TRIM39: variants seen among roughly 807,000 people sequenced by gnomAD.
TRIM39 encodes the protein tripartite motif containing 39, also known as E3 ubiquitin-protein ligase TRIM39.
TRIM39 carries 5 observed loss-of-function variants against 53.6 expected under a neutral mutation model. The ratio of observed to expected loss-of-function variants is 0.09; its 90% CI spans 0.05 to 0.20. The LOEUF (loss-of-function observed/expected upper bound fraction) is 0.20, where lower values mean the gene tolerates loss of function less well. Ranked by LOEUF, TRIM39 falls within the 10% of genes least tolerant of loss-of-function variation. The probability of loss-of-function intolerance (pLI) is 1.00; values close to 1 mark genes in which losing one functional copy is unlikely to be tolerated. For missense variants in TRIM39, 310 were observed against 621.0 expected, an observed-to-expected ratio of 0.50 and a Z score of 5.32; for synonymous variants, 196 against 237.6, an observed-to-expected ratio of 0.82 and a Z score of 1.61.
Position 30,339,894 on chromosome 6 carries a change from C to T in TRIM39, c.781-14C>T. On this transcript the variant is annotated splice_polypyrimidine_tract_variant and intron_variant, in intron 5 of 7. Transcript: ENST00000396551. The surrounding 1 kb of genome is among the most constrained non-coding windows in gnomAD (Gnocchi z 4.2). ...ACCAGGACCAATATTGCTTTCTTTT[C>T]TCCTTCCTTCTAGGATGTCAAAAGT... The T allele has an allele frequency of 6.2e-7, 1 of 1,614,066 alleles. No homozygotes were observed. The highest frequency in any genetic ancestry group is 8.5e-7 in the Non-Finnish European group (1 of 1,179,992).
At position 30,335,820 on chromosome 6, in the gene TRIM39, C is replaced by A; in HGVS notation, c.625C>A (p.Gln209Lys). Reference sequence around the variant, plus strand: ...TCATAGGCGGCTGGATGAAGAGCAGCAGGTGTTGCTTTCACGACTGGAAGA... The same window carrying A: ...TCATAGGCGGCTGGATGAAGAGCAGAAGGTGTTGCTTTCACGACTGGAAGA... Residue 209 changes from glutamine (Q) to lysine (K), a missense_variant, in exon 5 of 8, where the codon CAG (glutamine) becomes AAG (lysine). Gln to Lys is a moderately conservative substitution (Grantham distance 53). Transcript: ENST00000396551. The surrounding 1 kb of genome is among the most constrained non-coding windows in gnomAD (Gnocchi z 4.7). 1 of 1,613,020 alleles carries A rather than the reference C, an allele frequency of 6.2e-7. No homozygotes were observed. Among genetic ancestry groups the A allele is most frequent in the Non-Finnish European group, 8.5e-7 (1 of 1,180,026 alleles).
In TRIM39 at chr6:30,330,852, G is replaced by A. The variant is rs759890252; in HGVS notation, c.525G>A (p.Glu175=). ...AGATCACTCGCTGCAAGTCCTCTGA[G>A]GAGAAGAAGCCTGGTGAGCTCAAGG... Residue 175 remains glutamate (E), a synonymous_variant, in exon 4 of 8, where the codon GAG becomes GAA. Transcript: ENST00000396551. 4 of 1,614,170 alleles carry A rather than the reference G, an allele frequency of 2.5e-6. No homozygotes were observed. In the South Asian group the frequency reaches 4.4e-5, roughly 18 times the overall value.
At chr6:30,340,155 G>T in intron 6 of TRIM39, 1 of 1,081,440 alleles carries the variant, frequency 9.2e-7, no homozygotes, top group South Asian at 1.3e-5. Flanking sequence ...GAAGGAGAAT[G>T]ATAAGGTAGA....
In TRIM39 at chr6:30,335,921, C is replaced by T; in HGVS notation, c.726C>T (p.His242=). 6.2e-7 allele frequency: 1 copy of T among 1,612,910 alleles called. No individual in the cohort carries two copies. Among genetic ancestry groups the T allele is most frequent in the Non-Finnish European group, 8.5e-7 (1 of 1,180,032 alleles). Reference sequence around the variant, plus strand: ...GGGACAAGCGCCGGGACCTGGCCCACTTGGCTGCCGAGGTGGAGGGCAAGT... The same window carrying T: ...GGGACAAGCGCCGGGACCTGGCCCATTTGGCTGCCGAGGTGGAGGGCAAGT... Residue 242 remains histidine, a synonymous_variant, in exon 5 of 8, where the codon CAC becomes CAT. Transcript: ENST00000396551. The surrounding 1 kb of genome is among the most constrained non-coding windows in gnomAD (Gnocchi z 4.7).
intron 4 of TRIM39, among the ~76,000 whole-genome samples, chr6:30,334,749 T>G (rs1200297821): frequency 6.6e-6 from 1 of 152,238 alleles, no homozygotes; most frequent in African/African-American, 2.4e-5. Flanking sequence ...TTTTGTTTGC[T>G]TGTTTTGAGA....
chr6:30,335,833 C>T lies in TRIM39; in HGVS notation c.638C>T (p.Ser213Leu), dbSNP rs1335639762. 1.9e-6 allele frequency: 3 copies of T among 1,612,838 alleles called. No homozygotes were observed. The highest frequency in any genetic ancestry group is 2.5e-6 in the Non-Finnish European group (3 of 1,180,022). ...GATGAAGAGCAGCAGGTGTTGCTTT[C>T]ACGACTGGAAGAAGAGGAACAGGAC... Residue 213 changes from serine (S) to leucine (L), a missense_variant, in exon 5 of 8, where the codon TCA becomes TTA. By Grantham distance (145) the Ser-to-Leu change is moderately radical (BLOSUM62 -2). Coordinates refer to ENST00000396551, the Ensembl canonical transcript of TRIM39. This position sits in a 1 kb window ranked among gnomAD's most constrained non-coding sequence, Gnocchi z 4.7.
At position 30,340,501 on chromosome 6, in the gene TRIM39, C is replaced by T. The variant is rs2127411543; in HGVS notation, c.804-4C>T. On this transcript the variant is annotated splice_region_variant and splice_polypyrimidine_tract_variant and intron_variant, in intron 6 of 7. Transcript: ENST00000396551. ...TTCTTCCCCTATCTCCCTATCCCTCCTAGATGTGAAAAGGTGAAGACCATG... is the reference window on the plus strand; with the variant it reads ...TTCTTCCCCTATCTCCCTATCCCTCTTAGATGTGAAAAGGTGAAGACCATG... 1.2e-6 allele frequency: 2 copies of T among 1,612,998 alleles called. No homozygotes were observed. The highest frequency in any genetic ancestry group is 4.5e-5 in the East Asian group (2 of 44,884).
At chr6:30,333,080 A>G (rs1364961365) in intron 4 of TRIM39, among the ~76,000 whole-genome samples, 3 of 150,186 alleles carry the variant, frequency 2.0e-5, no homozygotes, top group South Asian at 4.3e-4. Flanking sequence ...GCTTGCCCCT[A>G]TATGTGTCAT....
intron 5 of TRIM39, among the ~76,000 whole-genome samples, chr6:30,337,933 G>A (rs1301671791): frequency 6.6e-6 from 1 of 152,214 alleles, no homozygotes; most frequent in African/African-American, 2.4e-5. Context: ...TTCTGCATCA[G>A]CACTTGCTGC....
chr6:30,330,965 G>A, intron 4 of TRIM39, 89 bp downstream of exon 4: 1 of 1,455,368 alleles, frequency 6.9e-7, no homozygotes, highest in Non-Finnish European at 9.4e-7. Flanking sequence ...ACCAGTTCCG[G>A]TTCATTAGAA....
intron 6 of TRIM39, 123 bp from the exon 7 acceptor site, chr6:30,340,382 G>A: frequency 6.2e-7 from 1 of 1,611,496 alleles, no homozygotes; most frequent in Non-Finnish European, 8.5e-7. Context: ...CAGGGAGGAG[G>A]AAGAAAGTGG....
chr6:30,331,019 C>T, intron 4 of TRIM39, 143 bp downstream of exon 4: 1 of 1,021,180 alleles, frequency 9.8e-7, no homozygotes, highest in African/African-American at 1.6e-5. Context: ...CCTGTAATCC[C>T]AGCAATTCTG....
intron 7 of TRIM39, among the ~76,000 whole-genome samples, chr6:30,341,013 G>A (rs1438622066): frequency 2.0e-5 from 3 of 152,100 alleles, no homozygotes; most frequent in Admixed American, 6.6e-5. Flanking sequence ...TTCGACATCA[G>A]CCTGGCCAAC....
rs1214751292 is a variant in TRIM39, at chr6:30,342,725, A to G, written c.*466A>G. ...CCTCTGAATTCATGAGAGATGAATG[A>G]CAGATGCTCTCATGGGTCTAGATAT... On this transcript the variant is annotated 3_prime_UTR_variant, in exon 8 of 8. Coordinates refer to ENST00000396551, the Ensembl canonical transcript of TRIM39. This position sits in a 1 kb window ranked among gnomAD's most constrained non-coding sequence, Gnocchi z 4.7. 1 of 184,574 alleles carries G rather than the reference A, an allele frequency of 5.4e-6. No homozygotes were observed. The highest frequency in any genetic ancestry group is 5.4e-5 in the Admixed American group (1 of 18,526). The allele number at this position is 184,574 out of a possible 1,614,324, so 11.4% of individuals were successfully genotyped here.
chr6:30,333,353 G>GT (rs9278647), intron 4 of TRIM39, among the ~76,000 whole-genome samples: 2,355 of 106,086 alleles, frequency 0.022, 32 homozygotes, highest in African/African-American at 0.029. Context: ...TGTTTTTGTG[G>GT]TTTTTTTTTT....
At chr6:30,329,892 T>C in intron 3 of TRIM39, 122 bp downstream of exon 3, 1 of 1,354,296 alleles carries the variant, frequency 7.4e-7, no homozygotes, top group Non-Finnish European at 9.8e-7. Flanking sequence ...GAGCTGCATA[T>C]GCAGGGGCAC....
At position 30,338,209 on chromosome 6, in the gene TRIM39, T is replaced by G. The variant is rs1787092816; in HGVS notation, c.781-1699T>G. Among the ~76,000 whole-genome samples, 2 of 150,350 alleles carry G rather than the reference T, an allele frequency of 1.3e-5. No homozygotes were observed. Among genetic ancestry groups the G allele is most frequent in the Non-Finnish European group, 3.0e-5 (2 of 67,106 alleles). On this transcript the variant is annotated intron_variant, in intron 5 of 7. Coordinates refer to ENST00000396551, the Ensembl canonical transcript of TRIM39. This position sits in a 1 kb window ranked among gnomAD's most constrained non-coding sequence, Gnocchi z 4.0. ...ACTGGAGTAGCACTTTTAATTTTCT[T>G]CAATAACTTTTCCTTAGCATTCACA...
chr6:30,336,091 C>T (rs1250751103), intron 5 of TRIM39, 116 bp downstream of exon 5: 1 of 1,461,248 alleles, frequency 6.8e-7, no homozygotes, highest in Non-Finnish European at 9.3e-7. Flanking sequence ...AAATCCAGTT[C>T]TTTCTGCCAG....
intron 5 of TRIM39, among the ~76,000 whole-genome samples, chr6:30,337,436 C>T (rs1267035062): frequency 2.6e-5 from 4 of 151,998 alleles, no homozygotes; most frequent in Non-Finnish European, 5.9e-5. Context: ...AGGCTAGGCA[C>T]GTTGGCTCAC....
Sources: gnomAD v4.1 joint callset for allele counts (sites outside exome capture counted in the v4.1 genomes callset) on GRCh38, gnomAD v4.1.1 for gene constraint, Gnocchi (gnomAD v3.1) non-coding constraint, MANE v1.5 for transcripts, NCBI Gene and HGNC (gene_info 2026-07-23, HGNC 2026-07-21) for gene names.